The following TSPAN8 variants were observed in gnomAD, a reference collection of about 807,000 sequenced individuals.
The protein encoded by TSPAN8 is tetraspanin 8.
TSPAN8 carries 21 observed loss-of-function variants against 32.8 expected under a neutral mutation model. The ratio of observed to expected loss-of-function variants is 0.64; its 90% CI spans 0.45 to 0.92. The LOEUF (loss-of-function observed/expected upper bound fraction) is 0.92. Ranked by LOEUF, TSPAN8 falls within the 40% of genes least tolerant of loss-of-function variation. The pLI is 0.00. For synonymous variants in TSPAN8, 95 were observed against 94.6 expected, an observed-to-expected ratio of 1.00 and a Z score of -0.03; for missense variants, 269 against 281.9, an observed-to-expected ratio of 0.95 and a Z score of 0.33.
intron 3 of TSPAN8, among the ~76,000 whole-genome samples, chr12:71,140,398 C>T (rs996525041): frequency 7.9e-5 from 12 of 152,118 alleles, no homozygotes; most frequent in African/African-American, 2.9e-4. Flanking sequence ...TGACTTTGAG[C>T]AAGGCAGAAG....
chr12:71,130,908 C>T (rs1209190682), intron 7 of TSPAN8, among the ~76,000 whole-genome samples: 1 of 152,176 alleles, frequency 6.6e-6, no homozygotes, highest in Non-Finnish European at 1.5e-5. Context: ...GCAAATGACA[C>T]ATGGCAGATG....
intron 3 of TSPAN8, 136 bp from the exon 4 acceptor site, chr12:71,139,984 A>G: frequency 3.1e-6 from 1 of 318,102 alleles, no homozygotes. Flanking sequence ...GTGATCTTAA[A>G]AAGTACAAAT....
intron 2 of TSPAN8, among the ~76,000 whole-genome samples, chr12:71,150,181 CA>C (rs1346539224): frequency 6.6e-6 from 1 of 152,184 alleles, no homozygotes; most frequent in Non-Finnish European, 1.5e-5. Context: ...TCTCTGCTTT[CA>C]AACCCTGTTT....
intron 6 of TSPAN8, among the ~76,000 whole-genome samples, chr12:71,137,223 T>C (rs1871728105): frequency 6.6e-6 from 1 of 152,172 alleles, no homozygotes; most frequent in South Asian, 2.1e-4. Flanking sequence ...AAAATTGCAG[T>C]GAGCTATGAT....
chr12:71,129,952 T>C (rs1319633397), intron 7 of TSPAN8, among the ~76,000 whole-genome samples: 2 of 62,664 alleles, frequency 3.2e-5, no homozygotes, highest in African/African-American at 9.2e-5. Context: ...TCTTTCTTTC[T>C]TTTTTTTTTT....
At chr12:71,128,248 T>C (rs1368159902) in intron 8 of TSPAN8, among the ~76,000 whole-genome samples, 1 of 152,184 alleles carries the variant, frequency 6.6e-6, no homozygotes, top group African/African-American at 2.4e-5. Flanking sequence ...GTCCCTAACC[T>C]TTCTCTAATA....
intron 2 of TSPAN8, 28 bp from the exon 3 acceptor site, chr12:71,144,241 G>T (rs1871999956): frequency 6.3e-7 from 1 of 1,598,348 alleles, no homozygotes; most frequent in Non-Finnish European, 8.5e-7. Flanking sequence ...CAAACAAAAA[G>T]AATACAATTA....
At chr12:71,126,812 G>A (rs1047201646) in intron 8 of TSPAN8, among the ~76,000 whole-genome samples, 20 of 151,098 alleles carry the variant, frequency 1.3e-4, no homozygotes, top group African/African-American at 4.4e-4. Flanking sequence ...TTTTGTGCTT[G>A]TAAGTTGTTA....
At chr12:71,148,696 C>T (rs551631550) in intron 2 of TSPAN8, among the ~76,000 whole-genome samples, 1 of 152,118 alleles carries the variant, frequency 6.6e-6, no homozygotes, top group South Asian at 2.1e-4. Context: ...ATTCTGATTT[C>T]TTATTTGATT....
At chr12:71,136,231 CTCT>C (rs1871693151) in intron 6 of TSPAN8, among the ~76,000 whole-genome samples, 1 of 151,890 alleles carries the variant, frequency 6.6e-6, no homozygotes, top group Non-Finnish European at 1.5e-5. Context: ...ATTTTTTTTC[CTCT>C]GAAACTCTGG....
intron 6 of TSPAN8, among the ~76,000 whole-genome samples, chr12:71,137,166 A>T (rs140909655): frequency 6.6e-6 from 1 of 152,126 alleles, no homozygotes; most frequent in South Asian, 2.1e-4. Flanking sequence ...TGTGGTCCTA[A>T]CTACTCAGGA....
intron 6 of TSPAN8, among the ~76,000 whole-genome samples, chr12:71,136,821 T>C (rs1266043101): frequency 2.6e-5 from 4 of 152,160 alleles, no homozygotes; most frequent in Non-Finnish European, 5.9e-5. Context: ...AATATCCTTA[T>C]CTGTAAAATA....
rs1871313788 is a variant in TSPAN8, at chr12:71,125,262, T to A, written c.*72A>T. On this transcript the variant is annotated 3_prime_UTR_variant, in exon 9 of 9. Transcript: ENST00000247829. ...GCTCCTGACTTATATAGCACTTACA[T>A]ATTTAAATTTACAAAGCCAAAGCAA... 7 of 1,340,780 alleles carry A rather than the reference T, an allele frequency of 5.2e-6. No individual in the cohort carries two copies. In the South Asian group the frequency reaches 7.6e-5, roughly 15 times the overall value. The allele number at this position is 1,340,780 out of a possible 1,614,324, so 83.1% of individuals were successfully genotyped here.
intron 2 of TSPAN8, among the ~76,000 whole-genome samples, chr12:71,151,521 G>A (rs1872255350): frequency 1.3e-5 from 2 of 152,210 alleles, no homozygotes; most frequent in African/African-American, 4.8e-5. Context: ...TGTAGAGAGA[G>A]ATGAATGTTT....
intron 2 of TSPAN8, among the ~76,000 whole-genome samples, chr12:71,147,807 G>A (rs1397289359): frequency 6.6e-6 from 1 of 152,100 alleles, no homozygotes; most frequent in Admixed American, 6.5e-5. Context: ...AGGGTACAAA[G>A]TTTATTAGAA....
In TSPAN8 at chr12:71,125,236, T is replaced by G. The variant is rs1451020598; in HGVS notation, c.*98A>C. 3 of 990,140 alleles carry G rather than the reference T, an allele frequency of 3.0e-6. No homozygotes were observed. The highest frequency in any genetic ancestry group is 2.4e-5 in the Admixed American group (1 of 41,578). 61.3% of individuals were successfully genotyped at this position (990,140 alleles called of 1,614,324 possible). A position where few individuals can be genotyped will look rare whatever the true frequency, so the allele number is the denominator to read the frequency against. On this transcript the variant is annotated 3_prime_UTR_variant, in exon 9 of 9. Transcript: ENST00000247829. ...AGCCGAGACATTTTAAAAAGACAGC[T>G]GCTCCTGACTTATATAGCACTTACA...
At chr12:71,157,316 C>G (rs1872475059) in intron 2 of TSPAN8, 1 of 308,780 alleles carries the variant, frequency 3.2e-6, no homozygotes, top group African/African-American at 2.1e-5. Context: ...TGATATACAA[C>G]TAAGGAAAAT....
chr12:71,135,447 T>C (rs1200493283), intron 6 of TSPAN8, among the ~76,000 whole-genome samples: 1 of 121,080 alleles, frequency 8.3e-6, no homozygotes, highest in African/African-American at 3.3e-5. Context: ...AGAAAAAGAA[T>C]CAGCAGAAGA....
At chr12:71,134,734 T>C (rs1427099482) in intron 6 of TSPAN8, among the ~76,000 whole-genome samples, 2 of 152,222 alleles carry the variant, frequency 1.3e-5, no homozygotes, top group African/African-American at 4.8e-5. Flanking sequence ...ATTTATATTC[T>C]CATTTACAGA....
Sources: allele counts gnomAD v4.1 joint callset (sites outside exome capture counted in the v4.1 genomes callset), GRCh38; gene constraint gnomAD v4.1.1; transcripts MANE v1.5; gene names NCBI Gene and HGNC (gene_info 2026-07-23, HGNC 2026-07-21).